The following F13A1 variants were observed in gnomAD, a reference collection of about 807,000 sequenced individuals.
F13A1 encodes coagulation factor XIII A chain.
Under a neutral mutation model 80.1 loss-of-function variants are expected in F13A1, and 47 were observed. The ratio of observed to expected loss-of-function variants is 0.59; its 90% CI spans 0.46 to 0.75. F13A1 has a LOEUF of 0.75. Among genes scored for constraint, F13A1 ranks in the 30% least tolerant of loss-of-function variants. The pLI is 0.00. For synonymous variants in F13A1, 349 were observed against 344.9 expected (o/e 1.01, Z -0.13); for missense variants, 817 against 930.4 (o/e 0.88, Z 1.59).
intron 6 of F13A1, among the ~76,000 whole-genome samples, chr6:6,229,974 G>A (rs9504725): frequency 0.16 from 24,322 of 152,138 alleles, 2,347 homozygotes; most frequent in African/African-American, 0.23. Context: ...GGCCATCCCT[G>A]CCTGGCACCA....
At chr6:6,196,309 T>G (rs1761289740) in intron 9 of F13A1, among the ~76,000 whole-genome samples, 1 of 152,252 alleles carries the variant, frequency 6.6e-6, no homozygotes, top group African/African-American at 2.4e-5. Flanking sequence ...CAAGTTTAAC[T>G]GGAGAATTTG....
chr6:6,227,411 C>G (rs1445221300), intron 6 of F13A1, among the ~76,000 whole-genome samples: 2 of 152,208 alleles, frequency 1.3e-5, no homozygotes, highest in African/African-American at 4.8e-5. Flanking sequence ...ATTGCAAACT[C>G]ATGCCTTTGA....
chr6:6,167,325 ATTTTTTT>A (rs57207647), intron 13 of F13A1, 126 bp downstream of exon 13: 10,140 of 777,064 alleles, frequency 0.013, 4 homozygotes, highest in Middle Eastern at 0.018. Context: ...TAGCACTGGT[ATTTTTTT>A]TTTTTTTTTT....
At chr6:6,297,847 C>G (rs1193357501) in intron 3 of F13A1, among the ~76,000 whole-genome samples, 2 of 150,054 alleles carry the variant, frequency 1.3e-5, no homozygotes, top group Admixed American at 1.3e-4. Context: ...GTTAGGGTGT[C>G]AATTTTGGAT....
Position 6,310,846 on chromosome 6 carries a change from G to A in F13A1, c.131-5307C>T, listed in dbSNP as rs575691313. Among the ~76,000 whole-genome samples the A allele has an allele frequency of 1.6e-4, 24 of 152,250 alleles. No individual in the cohort carries two copies. The South Asian group carries it at 4.4e-3, about 28-fold the overall frequency. ...TCAGGTATCTGAGAAGGCATGGTGT[G>A]AGGCTGGAATCTGAGCAATGGAAGT... On this transcript the variant is annotated intron_variant, in intron 2 of 14. Transcript: ENST00000264870.
Position 6,199,952 on chromosome 6 carries a change from G to C in F13A1, c.1113-2626C>G, listed in dbSNP as rs528418070. 7.9e-5 allele frequency among the ~76,000 whole-genome samples: 12 copies of C among 152,250 alleles called. 1 individual carries two copies. In the South Asian group the frequency reaches 2.5e-3, roughly 32 times the overall value. ...AGATGTGAGGGACTCGGATGAGTTG[G>C]GGAAGACTTTTGCCTGTCCAAGTAG... On this transcript the variant is annotated intron_variant, in intron 8 of 14. Coordinates refer to ENST00000264870, the MANE Select transcript of F13A1 (RefSeq NM_000129.4).
intron 11 of F13A1, 126 bp downstream of exon 11, chr6:6,181,862 A>T: frequency 9.8e-7 from 1 of 1,019,144 alleles, no homozygotes; most frequent in Non-Finnish European, 1.5e-6. Flanking sequence ...GAAAGTTTAT[A>T]CTTCTGCTGT....
chr6:6,210,418 C>T (rs1761586169), intron 8 of F13A1, among the ~76,000 whole-genome samples: 1 of 145,660 alleles, frequency 6.9e-6, no homozygotes, highest in Admixed American at 6.9e-5. Context: ...GATCTCGGCT[C>T]ACTGAAAGCT....
chr6:6,269,952 T>G (rs1437779105), intron 3 of F13A1, among the ~76,000 whole-genome samples: 1 of 152,186 alleles, frequency 6.6e-6, no homozygotes, highest in East Asian at 1.9e-4. Context: ...GACCTCATGA[T>G]CTGCCCGCCT....
Position 6,268,869 on chromosome 6 carries a change from T to C in F13A1, c.320-2060A>G, listed in dbSNP as rs543723731. 2.6e-5 allele frequency among the ~76,000 whole-genome samples: 4 copies of C among 152,070 alleles called. No individual in the cohort carries two copies. In the South Asian group the frequency reaches 8.3e-4, roughly 32 times the overall value. ...ATGCCTGGCTAACTTTTTGTATTTT[T>C]AGTAGAGACAAGTTTTTGCCATGTA... is the stretch of plus-strand genomic sequence containing the variant. On this transcript the variant is annotated intron_variant, in intron 3 of 14. Coordinates refer to ENST00000264870, the MANE Select transcript of F13A1 (RefSeq NM_000129.4).
chr6:6,174,944 G>T, intron 11 of F13A1, 77 bp from the exon 12 acceptor site: 1 of 1,536,946 alleles, frequency 6.5e-7, no homozygotes, highest in Non-Finnish European at 9.0e-7. Context: ...GATGCACCGT[G>T]TACTGCACTT....
chr6:6,201,040 G>A (rs1044846649), intron 8 of F13A1, among the ~76,000 whole-genome samples: 2 of 152,270 alleles, frequency 1.3e-5, no homozygotes, highest in East Asian at 1.9e-4. Flanking sequence ...AATGGACGCC[G>A]TCCTGCTTCC....
At chr6:6,276,120 C>A (rs1299580545) in intron 3 of F13A1, among the ~76,000 whole-genome samples, 4 of 152,252 alleles carry the variant, frequency 2.6e-5, no homozygotes, top group African/African-American at 7.2e-5. Flanking sequence ...CACCTATTGA[C>A]AGACTGGCTG....
At chr6:6,292,604 A>G (rs1583114282) in intron 3 of F13A1, among the ~76,000 whole-genome samples, 1 of 152,092 alleles carries the variant, frequency 6.6e-6, no homozygotes, top group Non-Finnish European at 1.5e-5. Flanking sequence ...ACCATCCAAC[A>G]CCGCCGCTGG....
In F13A1 at chr6:6,273,396, C is replaced by A. The variant is rs537463552; in HGVS notation, c.320-6587G>T. Among the ~76,000 whole-genome samples the A allele has an allele frequency of 2.6e-5, 4 of 152,290 alleles. No individual in the cohort carries two copies. In the East Asian group the frequency reaches 7.7e-4, roughly 29 times the overall value. The stretch of plus-strand genomic sequence containing the variant: ...AAGCTCTGGAATGAGATGCCCACAG[C>A]AATCTGGGTGTTCAATCCAAGCACC... On this transcript the variant is annotated intron_variant, in intron 3 of 14. Coordinates refer to ENST00000264870, the MANE Select transcript of F13A1 (RefSeq NM_000129.4).
At chr6:6,167,961 C>T (rs900401) in intron 12 of F13A1, among the ~76,000 whole-genome samples, 31,019 of 152,088 alleles carry the variant, frequency 0.2, 3,802 homozygotes, top group East Asian at 0.52. Flanking sequence ...TGATTTGGGC[C>T]GGGATCATCC....
chr6:6,151,033 T>C (rs560950231), intron 14 of F13A1, among the ~76,000 whole-genome samples: 4 of 152,198 alleles, frequency 2.6e-5, no homozygotes, highest in African/African-American at 4.8e-5. Context: ...ATTAGGATCA[T>C]TGGCAGGATC....
intron 3 of F13A1, among the ~76,000 whole-genome samples, chr6:6,274,269 C>T (rs1757958678): frequency 6.6e-6 from 1 of 152,190 alleles, no homozygotes; most frequent in Non-Finnish European, 1.5e-5. Context: ...GGTGTCTTTT[C>T]TACCTTGATT....
intron 13 of F13A1, 113 bp from the exon 14 acceptor site, chr6:6,152,062 A>T: frequency 7.6e-7 from 1 of 1,322,476 alleles, no homozygotes; most frequent in Non-Finnish European, 1.1e-6. Flanking sequence ...TTTTTTTGGC[A>T]ATGGAACCAG....
Sources: gnomAD v4.1 joint callset for allele counts (sites outside exome capture counted in the v4.1 genomes callset) on GRCh38, gnomAD v4.1.1 for gene constraint, MANE v1.5 for transcripts, NCBI Gene and HGNC (gene_info 2026-07-23, HGNC 2026-07-21) for gene names.